Variants in GPC5 observed in about 807,000 individuals in gnomAD.
GPC5 encodes glypican 5.
GPC5 carries 47 observed loss-of-function variants against 53.9 expected under a neutral mutation model. That is an observed-to-expected ratio of 0.87 (90% confidence interval 0.69 to 1.11). The LOEUF (loss-of-function observed/expected upper bound fraction) is 1.11, where lower values mean the gene tolerates loss of function less well. Ranked by LOEUF, GPC5 falls within the 50% of genes most tolerant of loss-of-function variation. The pLI is 0.00. For missense variants in GPC5, 748 were observed against 713.1 expected, an observed-to-expected ratio of 1.05 and a Z score of -0.56; for synonymous variants, 286 against 263.3, an observed-to-expected ratio of 1.09 and a Z score of -0.84.
chr13:92,832,737 G>A (rs1878088695), intron 7 of GPC5, among the ~76,000 whole-genome samples: 1 of 152,132 alleles, frequency 6.6e-6, no homozygotes, highest in Admixed American at 6.5e-5. Context: ...GCCTGGCATG[G>A]TGGCTCACAC....
At chr13:91,822,997 T>A (rs2038519932) in intron 5 of GPC5, among the ~76,000 whole-genome samples, 1 of 152,134 alleles carries the variant, frequency 6.6e-6, no homozygotes, top group African/African-American at 2.4e-5. Flanking sequence ...CATTTATTTA[T>A]ACCCAAATAA....
chr13:91,879,140 T>C (rs1322235570), intron 5 of GPC5, among the ~76,000 whole-genome samples: 1 of 152,146 alleles, frequency 6.6e-6, no homozygotes, highest in African/African-American at 2.4e-5. Context: ...ATATAAATAA[T>C]TATTTTTTTA....
At chr13:92,829,676 T>C (rs1877982867) in intron 7 of GPC5, among the ~76,000 whole-genome samples, 1 of 152,152 alleles carries the variant, frequency 6.6e-6, no homozygotes, top group African/African-American at 2.4e-5. Context: ...CAAATATAAA[T>C]GGCATTCAAA....
At chr13:92,043,633 G>C (rs1021831229) in intron 6 of GPC5, among the ~76,000 whole-genome samples, 2 of 152,166 alleles carry the variant, frequency 1.3e-5, no homozygotes, top group Non-Finnish European at 2.9e-5. Context: ...GTTCTCTGCA[G>C]ACATTGCAGT....
chr13:91,750,564 G>A (rs190778710), intron 4 of GPC5, among the ~76,000 whole-genome samples: 47 of 151,860 alleles, frequency 3.1e-4, no homozygotes, highest in African/African-American at 8.2e-4. Flanking sequence ...AATATTTCAC[G>A]TAAAACTGGA....
At chr13:91,470,609 T>G (rs1882559291) in intron 2 of GPC5, among the ~76,000 whole-genome samples, 1 of 152,220 alleles carries the variant, frequency 6.6e-6, no homozygotes, top group South Asian at 2.1e-4. Context: ...TGATTTTGAA[T>G]CAGGTAAGAG....
intron 7 of GPC5, among the ~76,000 whole-genome samples, chr13:92,697,869 C>T (rs546393083): frequency 1.3e-5 from 2 of 152,244 alleles, no homozygotes; most frequent in South Asian, 4.1e-4. Flanking sequence ...AGAGACATTC[C>T]ATCAATACCT....
intron 7 of GPC5, among the ~76,000 whole-genome samples, chr13:92,512,867 GTAATAGGAGTAGC>G (rs1880625361): frequency 6.6e-6 from 1 of 152,198 alleles, no homozygotes. Flanking sequence ...CTGATCACTA[GTAATAGGAGTAGC>G]TACAGTCCTC....
intron 7 of GPC5, among the ~76,000 whole-genome samples, chr13:92,525,706 T>A (rs1881252456): frequency 6.6e-6 from 1 of 151,958 alleles, no homozygotes; most frequent in African/African-American, 2.4e-5. Flanking sequence ...ATGCGATCTT[T>A]TCTCTTCTTC....
chr13:92,749,697 A>C (rs1889332071), intron 7 of GPC5, among the ~76,000 whole-genome samples: 1 of 152,214 alleles, frequency 6.6e-6, no homozygotes, highest in Non-Finnish European at 1.5e-5. Context: ...CTATAATTTT[A>C]ATTCAATAAA....
intron 7 of GPC5, among the ~76,000 whole-genome samples, chr13:92,457,376 A>G (rs1009856280): frequency 6.6e-6 from 1 of 151,958 alleles, no homozygotes; most frequent in Non-Finnish European, 1.5e-5. Flanking sequence ...AATGTTTAGC[A>G]TTATCCTTAG....
At chr13:91,762,331 A>G (rs922804181) in intron 5 of GPC5, among the ~76,000 whole-genome samples, 2 of 149,246 alleles carry the variant, frequency 1.3e-5, no homozygotes, top group African/African-American at 5.0e-5. Flanking sequence ...TCTTTTACCC[A>G]TTATCTAGCT....
intron 7 of GPC5, among the ~76,000 whole-genome samples, chr13:92,515,043 A>C (rs2138958641): frequency 6.6e-6 from 1 of 152,344 alleles, no homozygotes; most frequent in African/African-American, 2.4e-5. Context: ...AGAAAACTGA[A>C]GAACCTGGAG....
chr13:92,446,786 A>G (rs987696669), intron 7 of GPC5: 2 of 152,144 alleles, frequency 1.3e-5, no homozygotes, highest in Non-Finnish European at 2.9e-5. Context: ...CATCCTTGCC[A>G]GCATTTGTTA....
chr13:92,773,028 CT>C (rs1479490868), intron 7 of GPC5, among the ~76,000 whole-genome samples: 1 of 152,004 alleles, frequency 6.6e-6, no homozygotes, highest in Non-Finnish European at 1.5e-5. Context: ...AGCCATATTC[CT>C]TTTTCCGATA....
intron 5 of GPC5, among the ~76,000 whole-genome samples, chr13:91,771,662 G>C (rs1009090407): frequency 2.6e-5 from 4 of 152,248 alleles, no homozygotes; most frequent in African/African-American, 9.6e-5. Context: ...AGGAGGAAAA[G>C]TTGATTGATT....
chr13:92,401,296 T>C (rs936368936), intron 7 of GPC5, among the ~76,000 whole-genome samples: 2 of 152,080 alleles, frequency 1.3e-5, no homozygotes, highest in African/African-American at 4.8e-5. Flanking sequence ...TGCATAGTAC[T>C]ATGACCTTTC....
At chr13:92,330,794 C>T (rs2043282942) in intron 7 of GPC5, among the ~76,000 whole-genome samples, 1 of 152,112 alleles carries the variant, frequency 6.6e-6, no homozygotes, top group African/African-American at 2.4e-5. Flanking sequence ...ACACAGAGCA[C>T]CTAACTCAGG....
chr13:92,795,332 T>C (rs994405522), intron 7 of GPC5, among the ~76,000 whole-genome samples: 1 of 152,198 alleles, frequency 6.6e-6, no homozygotes, highest in Non-Finnish European at 1.5e-5. Context: ...GCTAGCCATA[T>C]GTAGAAAGCT....
Sources: allele counts gnomAD v4.1 joint callset (sites outside exome capture counted in the v4.1 genomes callset), GRCh38; gene constraint gnomAD v4.1.1; transcripts MANE v1.5; gene names NCBI Gene and HGNC (gene_info 2026-07-23, HGNC 2026-07-21).